Variants in GREB1 observed in about 807,000 individuals in gnomAD.
GREB1 encodes protein GREB1.
Under a neutral mutation model 200.7 loss-of-function variants are expected in GREB1, and 106 were observed. The ratio of observed to expected loss-of-function variants is 0.53; its 90% CI spans 0.45 to 0.62. GREB1 has a LOEUF of 0.62. Among genes scored for constraint, GREB1 ranks in the 20% least tolerant of loss-of-function variants. GREB1 has a pLI of 0.00. For missense variants in GREB1, 2,243 were observed against 2,556.8 expected, an observed-to-expected ratio of 0.88 and a Z score of 2.65; for synonymous variants, 1,132 against 1,092.4, an observed-to-expected ratio of 1.04 and a Z score of -0.72.
At chr2:11,545,903 C>T (rs1046960922) in intron 1 of GREB1, among the ~76,000 whole-genome samples, 121 of 152,142 alleles carry the variant, frequency 8.0e-4, no homozygotes, top group African/African-American at 2.8e-3. Context: ...GATAGCCGGG[C>T]GCGGTGGCTC....
chr2:11,501,074 C>A (rs978737071), intron 1 of GREB1, among the ~76,000 whole-genome samples: 1 of 152,164 alleles, frequency 6.6e-6, no homozygotes, highest in Non-Finnish European at 1.5e-5. Context: ...CCTCCACTGC[C>A]CAGTCCCTTG....
intron 1 of GREB1, among the ~76,000 whole-genome samples, chr2:11,527,589 C>G (rs1673931658): frequency 6.6e-6 from 1 of 152,198 alleles, no homozygotes; most frequent in African/African-American, 2.4e-5. Flanking sequence ...CAACCCATCC[C>G]CTGGACAGTC....
chr2:11,533,363 C>A (rs183210607), upstream of GREB1, among the ~76,000 whole-genome samples: 9 of 152,298 alleles, frequency 5.9e-5, no homozygotes, highest in African/African-American at 2.2e-4. Context: ...TACATTATCT[C>A]ATTTAATCCT....
chr2:11,591,294 T>C (rs1436632982), intron 10 of GREB1: 2 of 700,686 alleles, frequency 2.9e-6, no homozygotes, highest in African/African-American at 3.5e-5. Context: ...GTGTTATGCA[T>C]CAGGAAACCA....
chr2:11,606,758 C>CATTATTATTATT (rs3035992), intron 17 of GREB1, among the ~76,000 whole-genome samples: 1,560 of 143,336 alleles, frequency 0.011, 24 homozygotes, highest in African/African-American at 0.026. Context: ...ATTTTAGTTT[C>CATTATTATTATT]ATTATTATTA....
In GREB1 at chr2:11,493,292, A is replaced by AT. The variant is rs1672809931; in HGVS notation, c.-159+10916dup. Among the ~76,000 whole-genome samples the AT allele has an allele frequency of 6.6e-6, 1 of 152,010 alleles. No individual in the cohort carries two copies. The highest frequency in any genetic ancestry group is 1.5e-5 in the Non-Finnish European group (1 of 68,014). On this transcript the variant is annotated intron_variant, in intron 1 of 2. Transcript: ENST00000628795. This position sits in a 1 kb window ranked among gnomAD's most constrained non-coding sequence, Gnocchi z 4.6. ...CCAGGGTCCAGTTTCATGGAAGACAATTTTTCCACAGACAGGGTGTGGGGG... is the reference window on the plus strand; with the variant it reads ...CCAGGGTCCAGTTTCATGGAAGACAATTTTTTCCACAGACAGGGTGTGGGGG...
intron 1 of GREB1, among the ~76,000 whole-genome samples, chr2:11,509,270 T>C (rs540715635): frequency 7.2e-5 from 11 of 152,206 alleles, no homozygotes; most frequent in African/African-American, 2.6e-4. Context: ...CATGGAAAAA[T>C]TTAAACATAC....
chr2:11,623,855 TCCTGGAGTGACACTCCAG>T (rs1361483274), intron 23 of GREB1, among the ~76,000 whole-genome samples: 2 of 151,988 alleles, frequency 1.3e-5, no homozygotes, highest in Non-Finnish European at 2.9e-5. Flanking sequence ...TGCCACTCCA[TCCTGGAGTGACACTCCAG>T]CCTGGGTGAC....
chr2:11,586,988 G>A (rs1017262690), intron 9 of GREB1, among the ~76,000 whole-genome samples: 1 of 152,124 alleles, frequency 6.6e-6, no homozygotes, highest in Non-Finnish European at 1.5e-5. Flanking sequence ...CTAGGACAGG[G>A]TGCAGGGCTT....
chr2:11,576,518 T>C lies in GREB1; in HGVS notation c.620T>C (p.Ile207Thr). ...AQGTLTKGPL[I>T]CWKGSEFRSR... ...GGGACTCTAACCAAAGGACCTTTAA[T>C]CTGTTGGAAAGGCTCAGGTGAGCAG... Residue 207 changes from isoleucine (I) to threonine (T), a missense_variant, in exon 5 of 33, where the codon ATC (isoleucine) becomes ACC (threonine). By Grantham distance (89) the Ile-to-Thr change is moderately conservative. Coordinates refer to ENST00000381486, the MANE Select transcript of GREB1 (RefSeq NM_014668.4). 6.2e-7 allele frequency: 1 copy of C among 1,613,334 alleles called. No homozygotes were observed. The highest frequency in any genetic ancestry group is 8.5e-7 in the Non-Finnish European group (1 of 1,179,824).
rs761475584 is a variant in GREB1, at chr2:11,611,036, T to C, written c.3006+9T>C. The stretch of plus-strand genomic sequence containing the variant: ...TCGTAAAGCAGCTCAGGGTAGGTGC[T>C]GTGCGCAGGGAGGGGCGGAGGGCCT... On this transcript the variant is annotated intron_variant, in intron 18 of 32. Coordinates refer to ENST00000381486, the MANE Select transcript of GREB1 (RefSeq NM_014668.4). The C allele has an allele frequency of 8.3e-6, 13 of 1,563,528 alleles. No individual in the cohort carries two copies. Among genetic ancestry groups the C allele is most frequent in the Non-Finnish European group, 1.1e-5 (13 of 1,153,490 alleles).
rs747530557 is a variant in GREB1, at chr2:11,562,481, A to G, written c.176A>G (p.Asn59Ser). The change falls in exon 3 of 33, where the codon AAT becomes AGT. Residue 59 changes from asparagine to serine, a missense_variant. Asn to Ser is a conservative substitution (Grantham distance 46, BLOSUM62 1). Around this residue, in one of 3 missense-constraint regions of GREB1, gnomAD observed 1,178 missense variants for 1,387.4 expected, o/e 0.85. Transcript: ENST00000381486. ...AALEGGSRVD[N>S]EEEEEEGEGG... ...CATCTAGGTGGTAGCCGAGTGGACA[A>G]TGAGGAAGAGGAAGAAGAGGGAGAA... is the stretch of plus-strand genomic sequence containing the variant. The G allele has an allele frequency of 8.7e-6, 14 of 1,611,916 alleles. No individual in the cohort carries two copies. The highest frequency in any genetic ancestry group is 5.4e-5 in the African/African-American group (4 of 74,636).
chr2:11,495,054 G>A (rs556917666), intron 1 of GREB1, among the ~76,000 whole-genome samples: 5 of 152,244 alleles, frequency 3.3e-5, no homozygotes, highest in African/African-American at 7.2e-5. Context: ...GGTCTCCCCC[G>A]CTTGCCCCTG....
chr2:11,509,636 G>C (rs1371223014), intron 1 of GREB1, among the ~76,000 whole-genome samples: 1 of 152,180 alleles, frequency 6.6e-6, no homozygotes, highest in Admixed American at 6.5e-5. Context: ...ATAGTATTCA[G>C]AGGTGGGCCT....
chr2:11,566,331 T>A, intron 3 of GREB1, 149 bp from the exon 4 acceptor site: 1 of 697,850 alleles, frequency 1.4e-6, no homozygotes, highest in Non-Finnish European at 2.3e-6. Context: ...AAGATTATAG[T>A]TCTATCTCTC....
At chr2:11,615,755 C>T (rs999902987) in intron 20 of GREB1, among the ~76,000 whole-genome samples, 3 of 152,194 alleles carry the variant, frequency 2.0e-5, no homozygotes, top group Non-Finnish European at 4.4e-5. Context: ...GCAGACTCTT[C>T]AAATCTGATG....
chr2:11,593,421 G>A (rs1680930660), intron 11 of GREB1, among the ~76,000 whole-genome samples: 1 of 139,764 alleles, frequency 7.2e-6, no homozygotes, highest in African/African-American at 2.7e-5. Context: ...ACACCAGGAT[G>A]GCCCTGTTTC....
At chr2:11,581,149 G>C in intron 7 of GREB1, 1 of 587,096 alleles carries the variant, frequency 1.7e-6, no homozygotes, top group South Asian at 2.2e-5. Context: ...TGGGCAGTGT[G>C]TTGTTGGGGA....
At chr2:11,545,644 C>T (rs747017709) in intron 1 of GREB1, among the ~76,000 whole-genome samples, 1 of 152,196 alleles carries the variant, frequency 6.6e-6, no homozygotes, top group Admixed American at 6.5e-5. Context: ...TACTGAGGGC[C>T]ATCATTGGAC....
Sources: allele counts gnomAD v4.1 joint callset (sites outside exome capture counted in the v4.1 genomes callset), GRCh38; gene constraint gnomAD v4.1.1; regional missense constraint gnomAD v4.1.1; non-coding constraint Gnocchi (gnomAD v3.1); transcripts MANE v1.5; gene names NCBI Gene and HGNC (gene_info 2026-07-23, HGNC 2026-07-21).